The following FRMD4B variants were observed in gnomAD, a reference collection of about 807,000 sequenced individuals.
The protein encoded by FRMD4B is FERM domain containing 4B.
A neutral mutation model predicts 141.5 loss-of-function variants in FRMD4B; 74 were observed. The observed-to-expected ratio is 0.52, with a 90% confidence interval of 0.43 to 0.63. FRMD4B has a LOEUF of 0.63. Among genes scored for constraint, FRMD4B ranks in the 30% least tolerant of loss-of-function variants. The pLI is 0.00. For missense variants in FRMD4B, 1,366 were observed against 1,253.4 expected, an observed-to-expected ratio of 1.09 and a Z score of -1.36; for synonymous variants, 506 against 467.9, an observed-to-expected ratio of 1.08 and a Z score of -1.05.
intron 1 of FRMD4B, among the ~76,000 whole-genome samples, chr3:69,357,095 G>A (rs1253469890): frequency 6.6e-6 from 1 of 152,208 alleles, no homozygotes; most frequent in Non-Finnish European, 1.5e-5. Context: ...TGGAGAGTTT[G>A]GTGGGGCTCT....
intron 7 of FRMD4B, among the ~76,000 whole-genome samples, chr3:69,229,000 A>G (rs2093280223): frequency 6.8e-6 from 1 of 146,386 alleles, no homozygotes; most frequent in African/African-American, 2.5e-5. Context: ...AATCTTGACT[A>G]TCCCTCAAAA....
chr3:69,334,124 A>T (rs1702465640), intron 1 of FRMD4B: 1 of 152,218 alleles, frequency 6.6e-6, no homozygotes, highest in African/African-American at 2.4e-5. Context: ...TGTCAGCCTC[A>T]AGGAGAGGCT....
intron 2 of FRMD4B, among the ~76,000 whole-genome samples, chr3:69,405,206 T>C (rs1253008805): frequency 6.6e-6 from 1 of 152,236 alleles, no homozygotes; most frequent in Non-Finnish European, 1.5e-5. Context: ...TCATTTTCTC[T>C]GGTGTGTTCC....
chr3:69,251,820 C>A (rs1211244778), intron 5 of FRMD4B, among the ~76,000 whole-genome samples: 1 of 152,192 alleles, frequency 6.6e-6, no homozygotes, highest in Non-Finnish European at 1.5e-5. Context: ...GGCGGTTCAT[C>A]CAACAGGTGA....
intron 11 of FRMD4B, among the ~76,000 whole-genome samples, chr3:69,207,825 A>G (rs1451593672): frequency 6.6e-6 from 1 of 152,064 alleles, no homozygotes; most frequent in Non-Finnish European, 1.5e-5. Context: ...AAAAAAGAAA[A>G]AACAATGGAC....
intron 4 of FRMD4B, among the ~76,000 whole-genome samples, chr3:69,299,155 A>G (rs1384937521): frequency 6.6e-6 from 1 of 152,184 alleles, no homozygotes; most frequent in Non-Finnish European, 1.5e-5. Flanking sequence ...ACTCCAATAC[A>G]TAATGAATGA....
intron 22 of FRMD4B, among the ~76,000 whole-genome samples, chr3:69,172,687 A>C (rs977318667): frequency 6.6e-6 from 1 of 152,152 alleles, no homozygotes; most frequent in African/African-American, 2.4e-5. Flanking sequence ...ATTGGAAGTG[A>C]CCCAGGACAC....
At chr3:69,319,109 A>C (rs1333611042) in intron 1 of FRMD4B, among the ~76,000 whole-genome samples, 1 of 152,212 alleles carries the variant, frequency 6.6e-6, no homozygotes, top group African/African-American at 2.4e-5. Flanking sequence ...CCTCTACACA[A>C]ACCTATCAAG....
At chr3:69,343,642 T>C (rs9868217) in intron 1 of FRMD4B, among the ~76,000 whole-genome samples, 100,790 of 146,088 alleles carry the variant, frequency 0.69, 35,647 homozygotes, top group African/African-American at 0.83. Context: ...TGCAGTGGTG[T>C]GATCCCGGCT....
chr3:69,513,866 T>TA (rs1475717903), intron 1 of FRMD4B, among the ~76,000 whole-genome samples: 1 of 152,106 alleles, frequency 6.6e-6, no homozygotes. Context: ...CCTTTTATGA[T>TA]AAAAATAGTC....
chr3:69,467,643 T>C (rs1226317023), intron 1 of FRMD4B, among the ~76,000 whole-genome samples: 1 of 152,134 alleles, frequency 6.6e-6, no homozygotes, highest in Non-Finnish European at 1.5e-5. Context: ...GTGCCTAGGG[T>C]TTTTTGTGAG....
rs760393219 is a variant in FRMD4B at position 69,180,856 on chromosome 3, G to GTAAATA, written c.2851+37_2851+42dup. ...GTTTTAGGTGGGCAGGAAACACGAT[G>GTAAATA]TAAATAAAATCCAGGTGTTGCGTGT... On this transcript the variant is annotated intron_variant, in intron 21 of 22. Transcript: ENST00000398540. 2.3e-5 allele frequency: 32 copies of GTAAATA among 1,377,474 alleles called. No homozygotes were observed. In the Admixed American group the frequency reaches 2.6e-4, roughly 11 times the overall value. The allele number at this position is 1,377,474 out of a possible 1,614,324, so 85.3% of individuals were successfully genotyped here.
chr3:69,409,848 G>A (rs1704724213), intron 2 of FRMD4B, among the ~76,000 whole-genome samples: 1 of 152,214 alleles, frequency 6.6e-6, no homozygotes, highest in South Asian at 2.1e-4. Flanking sequence ...GGGGAAAGCA[G>A]AGTAGAGAGA....
intron 2 of FRMD4B, among the ~76,000 whole-genome samples, chr3:69,411,866 C>T (rs140823475): frequency 6.6e-6 from 1 of 152,298 alleles, no homozygotes; most frequent in East Asian, 1.9e-4. Context: ...TCAGAACAAA[C>T]TCCTGACTGA....
chr3:69,489,071 C>T (rs1410408639), intron 1 of FRMD4B, among the ~76,000 whole-genome samples: 1 of 151,620 alleles, frequency 6.6e-6, no homozygotes, highest in South Asian at 2.1e-4. Context: ...TTTTGTGCTT[C>T]CAAGGACACT....
At chr3:69,407,481 T>G (rs928983955) in intron 2 of FRMD4B, among the ~76,000 whole-genome samples, 1 of 152,198 alleles carries the variant, frequency 6.6e-6, no homozygotes, top group East Asian at 1.9e-4. Flanking sequence ...CTTTATCTGG[T>G]GCTTAATCTA....
At chr3:69,522,216 T>C (rs917976466) in intron 1 of FRMD4B, among the ~76,000 whole-genome samples, 4 of 152,112 alleles carry the variant, frequency 2.6e-5, no homozygotes, top group Non-Finnish European at 4.4e-5. Flanking sequence ...CATCAAAGGT[T>C]GCTTTCTCAT....
At chr3:69,423,450 C>T (rs1235119425) in intron 2 of FRMD4B, among the ~76,000 whole-genome samples, 1 of 152,156 alleles carries the variant, frequency 6.6e-6, no homozygotes, top group Non-Finnish European at 1.5e-5. Context: ...ATGTTAGGTA[C>T]ACACGTCCCT....
chr3:69,322,598 T>G (rs1463820079), intron 1 of FRMD4B, among the ~76,000 whole-genome samples: 1 of 148,040 alleles, frequency 6.8e-6, no homozygotes, highest in East Asian at 1.9e-4. Flanking sequence ...CTCTCTCTTT[T>G]TTTTTTTTTT....
Sources: gnomAD v4.1 joint callset for allele counts (sites outside exome capture counted in the v4.1 genomes callset) on GRCh38, gnomAD v4.1.1 for gene constraint, MANE v1.5 for transcripts, NCBI Gene and HGNC (gene_info 2026-07-23, HGNC 2026-07-21) for gene names.